MAP3K4: variants seen among roughly 807,000 people sequenced by gnomAD.
The protein encoded by MAP3K4 is MAP three kinase 1.
In MAP3K4, 67 loss-of-function variants were observed where a neutral mutation model predicts 185.6. The ratio of observed to expected loss-of-function variants is 0.36; its 90% CI spans 0.30 to 0.44. MAP3K4 has a LOEUF of 0.44. Ranked by LOEUF, MAP3K4 falls within the 20% of genes least tolerant of loss-of-function variation. MAP3K4 has a pLI of 1.00. For synonymous variants in MAP3K4, 702 were observed against 710.4 expected (o/e 0.99, Z 0.19); for missense variants, 1,551 against 1,995.1 (o/e 0.78, Z 4.24).
chr6:161,016,191 C>A (rs1352443815), intron 1 of MAP3K4, among the ~76,000 whole-genome samples: 1 of 152,010 alleles, frequency 6.6e-6, no homozygotes, highest in Non-Finnish European at 1.5e-5. Context: ...AAGATTGTTT[C>A]ACTATTTTTT....
At chr6:161,021,170 A>G (rs1156642327) in intron 1 of MAP3K4, among the ~76,000 whole-genome samples, 1 of 152,202 alleles carries the variant, frequency 6.6e-6, no homozygotes, top group Non-Finnish European at 1.5e-5. Context: ...GCAACTTGCC[A>G]TTTGTAAGGT....
rs975184031 is a variant in MAP3K4 at position 161,017,216 on chromosome 6, A to G, written c.153-17043A>G. Among the ~76,000 whole-genome samples the G allele has an allele frequency of 2.2e-4, 33 of 152,204 alleles. No homozygotes were observed. Among genetic ancestry groups the G allele is most frequent in the Middle Eastern group, 3.2e-3 (1 of 316 alleles). ...GGTAGAGGAGGGATACATTTGTATAATTAAATGTAGGTTTTCGGAAATTGA... is the reference window on the plus strand; with the variant it reads ...GGTAGAGGAGGGATACATTTGTATAGTTAAATGTAGGTTTTCGGAAATTGA... On this transcript the variant is annotated intron_variant, in intron 1 of 26. Coordinates refer to ENST00000392142, the MANE Select transcript of MAP3K4 (RefSeq NM_005922.4). The surrounding 1 kb of genome is among the most constrained non-coding windows in gnomAD (Gnocchi z 5.1).
Position 161,094,966 on chromosome 6 carries a change from G to A in MAP3K4, c.3427+1115G>A, listed in dbSNP as rs571084458. On this transcript the variant is annotated intron_variant, in intron 15 of 26. Coordinates refer to ENST00000392142, the MANE Select transcript of MAP3K4 (RefSeq NM_005922.4). ...TTCATTGTGGAAAAATCACAACATA[G>A]AAAAAGTATCTAGAAAAATATGGAA... Among the ~76,000 whole-genome samples the A allele has an allele frequency of 1.3e-4, 20 of 152,174 alleles. No homozygotes were observed. In the East Asian group the frequency reaches 2.3e-3, roughly 18 times the overall value.
Position 161,061,487 on chromosome 6 carries a change from T to C in MAP3K4, c.1708-9121T>C, listed in dbSNP as rs1394658799. 6.6e-6 allele frequency among the ~76,000 whole-genome samples: 1 copy of C among 152,250 alleles called. No homozygotes were observed. The highest frequency in any genetic ancestry group is 1.5e-5 in the Non-Finnish European group (1 of 68,040). On this transcript the variant is annotated intron_variant, in intron 3 of 26. Coordinates refer to ENST00000392142, the MANE Select transcript of MAP3K4 (RefSeq NM_005922.4). This position sits in a 1 kb window ranked among gnomAD's most constrained non-coding sequence, Gnocchi z 4.2. ...TTCACTTAGCATAAAATTCACCATT[T>C]AAAGTGTTCAGTGGTTCTCTGTATT...
At position 161,088,087 on chromosome 6, in the gene MAP3K4, C is replaced by T; in HGVS notation, c.2823+133C>T. ...GTATATACTTCCCAAAAATATGCCT[C>T]AATGTGTTAATAGGTCATTTTGCAG... On this transcript the variant is annotated intron_variant, in intron 10 of 26. Transcript: ENST00000392142. This position sits in a 1 kb window ranked among gnomAD's most constrained non-coding sequence, Gnocchi z 4.5. 1.2e-6 allele frequency: 1 copy of T among 827,934 alleles called. No individual in the cohort carries two copies. Among genetic ancestry groups the T allele is most frequent in the Non-Finnish European group, 1.8e-6 (1 of 549,096 alleles). 51.3% of individuals were successfully genotyped at this position (827,934 alleles called of 1,614,324 possible).
Position 161,095,356 on chromosome 6 carries a change from A to G in MAP3K4, c.3427+1505A>G, listed in dbSNP as rs117014836. 7.5e-3 allele frequency among the ~76,000 whole-genome samples: 1,149 copies of G among 152,332 alleles called. 9 individuals carry two copies. The highest frequency in any genetic ancestry group is 0.013 in the Non-Finnish European group (881 of 68,026). The stretch of plus-strand genomic sequence containing the variant: ...TGTAAATTCTAGTGTTCCATACGCA[A>G]CAGGGGTCATCATTTGGTTTTGTGT... On this transcript the variant is annotated intron_variant, in intron 15 of 26. Coordinates refer to ENST00000392142, the MANE Select transcript of MAP3K4 (RefSeq NM_005922.4).
Position 161,080,904 on chromosome 6 carries a change from C to T in MAP3K4, c.2121C>T (p.Ser707=). 6.2e-7 allele frequency: 1 copy of T among 1,613,984 alleles called. No homozygotes were observed. Among genetic ancestry groups the T allele is most frequent in the Non-Finnish European group, 8.5e-7 (1 of 1,179,964 alleles). ...AGGTGTATTTTGATTACATGAGAAG[C>T]TGGATCCAAATGCTACAGCAATTAC... The part of the protein sequence containing the change: ...MLMVYFDYMR[S]WIQMLQQLPQ... Residue 707 remains serine (S), a synonymous_variant, in exon 6 of 27, where the codon AGC becomes AGT. Transcript: ENST00000392142. The surrounding 1 kb of genome is among the most constrained non-coding windows in gnomAD (Gnocchi z 4.8).
rs565237445 is a variant in MAP3K4 at position 161,045,231 on chromosome 6, G to A, written c.344-3385G>A. Among the ~76,000 whole-genome samples the A allele has an allele frequency of 2.6e-5, 4 of 151,876 alleles. No homozygotes were observed. In the South Asian group the frequency reaches 6.2e-4, roughly 24 times the overall value. ...ACTTGGGTTTTGTTTTGGGGTGGGG[G>A]GGAACAAAAAGCTTCTCTGTCCCAT... On this transcript the variant is annotated intron_variant, in intron 2 of 26. Transcript: ENST00000392142.
intron 1 of MAP3K4, among the ~76,000 whole-genome samples, chr6:161,019,123 T>C (rs762127821): frequency 3.3e-5 from 5 of 152,218 alleles, no homozygotes; most frequent in African/African-American, 1.2e-4. Context: ...AAAATTTTTT[T>C]AAGAAGTAGT....
At position 161,074,082 on chromosome 6, in the gene MAP3K4, A is replaced by G. The variant is rs567901211; in HGVS notation, c.2097+470A>G. Among the ~76,000 whole-genome samples, 5 of 152,264 alleles carry G rather than the reference A, an allele frequency of 3.3e-5. No individual in the cohort carries two copies. Among genetic ancestry groups the G allele is most frequent in the Admixed American group, 6.5e-5 (1 of 15,298 alleles). ...TCTGGGAGTGTTGAAGATCAACAAG[A>G]CACTCGTAGTCTGGTGGGACTAGGC... is the stretch of plus-strand genomic sequence containing the variant. On this transcript the variant is annotated intron_variant, in intron 5 of 26. Coordinates refer to ENST00000392142, the MANE Select transcript of MAP3K4 (RefSeq NM_005922.4). This position sits in a 1 kb window ranked among gnomAD's most constrained non-coding sequence, Gnocchi z 5.0.
chr6:160,998,874 T>TG (rs1348461432), intron 1 of MAP3K4, among the ~76,000 whole-genome samples: 1 of 152,218 alleles, frequency 6.6e-6, no homozygotes, highest in Non-Finnish European at 1.5e-5. Flanking sequence ...TCACACTGTG[T>TG]AATCGAGTGC....
At position 161,043,023 on chromosome 6, in the gene MAP3K4, TCTG is replaced by T. The variant is rs1783561575; in HGVS notation, c.344-5590_344-5588del. 6.6e-6 allele frequency among the ~76,000 whole-genome samples: 1 copy of T among 152,222 alleles called. No homozygotes were observed. Among genetic ancestry groups the T allele is most frequent in the Non-Finnish European group, 1.5e-5 (1 of 68,038 alleles). ...ATATATGTGTGTGTAAATGTGTGTATCTGCTAACAGTAGTGAAATTAGAATGTT... is the reference window on the plus strand; with the variant it reads ...ATATATGTGTGTGTAAATGTGTGTATCTAACAGTAGTGAAATTAGAATGTT... On this transcript the variant is annotated intron_variant, in intron 2 of 26. Coordinates refer to ENST00000392142, the MANE Select transcript of MAP3K4 (RefSeq NM_005922.4). This position sits in a 1 kb window ranked among gnomAD's most constrained non-coding sequence, Gnocchi z 4.3.
chr6:161,080,940 G>T lies in MAP3K4; in HGVS notation c.2157G>T (p.Ser719=), dbSNP rs536943325. The change falls in exon 6 of 27, where the codon TCG becomes TCT. Residue 719 remains serine (S), a synonymous_variant. Transcript: ENST00000392142. This position sits in a 1 kb window ranked among gnomAD's most constrained non-coding sequence, Gnocchi z 4.8. ...IQMLQQLPQA[S]HSLKNLLEEE... is the part of the protein sequence containing the mutation. ...TGCTACAGCAATTACCTCAAGCATCGCATAGTTTAAAAAATCTGTTAGAAG... is the reference window on the plus strand; with the variant it reads ...TGCTACAGCAATTACCTCAAGCATCTCATAGTTTAAAAAATCTGTTAGAAG... The T allele has an allele frequency of 6.8e-6, 11 of 1,613,888 alleles. No individual in the cohort carries two copies. The highest frequency in any genetic ancestry group is 4.5e-5 in the East Asian group (2 of 44,868).
rs1236999938 is a variant in MAP3K4, at chr6:161,080,602, C to T, written c.2098-279C>T. 5 of 362,016 alleles carry T rather than the reference C, an allele frequency of 1.4e-5. No individual in the cohort carries two copies. The highest frequency in any genetic ancestry group is 6.6e-5 in the East Asian group (1 of 15,062). 22.4% of individuals were successfully genotyped at this position (362,016 alleles called of 1,614,324 possible). ...TGGGTACTGTTCTTTTGATTTTTTC[C>T]CCTTTATTGTAGATTGTGAACATTT... On this transcript the variant is annotated intron_variant, in intron 5 of 26. Coordinates refer to ENST00000392142, the MANE Select transcript of MAP3K4 (RefSeq NM_005922.4). The surrounding 1 kb of genome is among the most constrained non-coding windows in gnomAD (Gnocchi z 4.8).
rs781069775 is a variant in MAP3K4 at position 161,048,879 on chromosome 6, C to T, written c.607C>T (p.Pro203Ser). Residue 203 changes from proline to serine, a missense_variant, in exon 3 of 27, where the codon CCC becomes TCC. By Grantham distance (74) the Pro-to-Ser change is moderately conservative. Transcript: ENST00000392142. This position sits in a 1 kb window ranked among gnomAD's most constrained non-coding sequence, Gnocchi z 4.7. Reference protein sequence around the residue: ...CSNAKLPVSVPMPIARPARQT... With the variant: ...CSNAKLPVSVSMPIARPARQT... The stretch of plus-strand genomic sequence containing the variant: ...CAATGCTAAGCTTCCAGTATCTGTG[C>T]CCATGCCTATAGCCAGACCTGCACG... 5.6e-6 allele frequency: 9 copies of T among 1,614,070 alleles called. No individual in the cohort carries two copies. The highest frequency in any genetic ancestry group is 7.6e-6 in the Non-Finnish European group (9 of 1,180,046).
intron 23 of MAP3K4, among the ~76,000 whole-genome samples, chr6:161,111,478 T>C (rs1464791028): frequency 6.6e-6 from 1 of 152,220 alleles, no homozygotes; most frequent in Non-Finnish European, 1.5e-5. Context: ...TTTCAGACGC[T>C]GCTGATTGTA....
intron 1 of MAP3K4, among the ~76,000 whole-genome samples, chr6:161,026,328 G>T (rs1194135281): frequency 1.3e-5 from 2 of 152,066 alleles, no homozygotes; most frequent in South Asian, 4.1e-4. Context: ...GTAAAGACGG[G>T]GTTTCACCAT....
chr6:161,025,387 T>C (rs1782597759), intron 1 of MAP3K4, among the ~76,000 whole-genome samples: 1 of 152,228 alleles, frequency 6.6e-6, no homozygotes, highest in Non-Finnish European at 1.5e-5. Context: ...GCCCAGGTTG[T>C]CCTGATTTGC....
chr6:161,086,759 A>G lies in MAP3K4; in HGVS notation c.2556+92A>G, dbSNP rs1426817869. On this transcript the variant is annotated intron_variant, in intron 9 of 26. Coordinates refer to ENST00000392142, the MANE Select transcript of MAP3K4 (RefSeq NM_005922.4). The surrounding 1 kb of genome is among the most constrained non-coding windows in gnomAD (Gnocchi z 4.8). ...TTTTTCTTGAAGGTCCAGATAGTAA[A>G]TATTACAGGCTCTGAAGGCTGTACC... The G allele has an allele frequency of 4.1e-6, 4 of 974,090 alleles. No homozygotes were observed. The highest frequency in any genetic ancestry group is 1.6e-5 in the South Asian group (1 of 63,590). 60.3% of individuals were successfully genotyped at this position (974,090 alleles called of 1,614,324 possible).
Sources: gnomAD v4.1 joint callset for allele counts (sites outside exome capture counted in the v4.1 genomes callset) on GRCh38, gnomAD v4.1.1 for gene constraint, Gnocchi (gnomAD v3.1) non-coding constraint, MANE v1.5 for transcripts, NCBI Gene and HGNC (gene_info 2026-07-23, HGNC 2026-07-21) for gene names.